MRAP2: variants seen among roughly 807,000 people sequenced by gnomAD.
MRAP2 encodes melanocortin-2 receptor accessory protein 2.
In MRAP2, 20 loss-of-function variants were observed where a neutral mutation model predicts 17.4. The ratio of observed to expected loss-of-function variants is 1.15; its 90% confidence interval spans 0.81 to 1.67. The LOEUF (loss-of-function observed/expected upper bound fraction) is 1.67. Ranked by LOEUF, MRAP2 falls within the 40% of genes most tolerant of loss-of-function variation. The probability of loss-of-function intolerance (pLI) is 0.00; values close to 1 mark genes in which losing one functional copy is unlikely to be tolerated. For synonymous variants in MRAP2, 96 were observed against 88.4 expected (o/e 1.09, Z -0.48); for missense variants, 238 against 240.0 (o/e 0.99, Z 0.05).
the MRAP2 span, chr6:84,126,288 T>C: frequency 1.2e-6 from 1 of 866,530 alleles, no homozygotes; most frequent in South Asian, 3.2e-5. Flanking sequence ...CTTTAAGTGG[T>C]AATTTTTGCT....
the MRAP2 span, among the ~76,000 whole-genome samples, chr6:84,139,645 G>T: frequency 6.6e-6 from 1 of 152,138 alleles, no homozygotes; most frequent in Non-Finnish European, 1.5e-5. Context: ...ACCAAACTCA[G>T]CTCTCCCAGA....
the MRAP2 span, among the ~76,000 whole-genome samples, chr6:84,139,562 C>A: frequency 6.6e-6 from 1 of 152,132 alleles, no homozygotes; most frequent in African/African-American, 2.4e-5. Context: ...TTCTGGGATA[C>A]CCCATCCACT....
chr6:84,047,560 A>G (rs1290129213), intron 1 of MRAP2, among the ~76,000 whole-genome samples: 1 of 152,212 alleles, frequency 6.6e-6, no homozygotes, highest in African/African-American at 2.4e-5. Flanking sequence ...ATAATATAAA[A>G]TGTACCATTT....
At chr6:84,141,361 C>T in the MRAP2 span, among the ~76,000 whole-genome samples, 1 of 151,976 alleles carries the variant, frequency 6.6e-6, no homozygotes, top group Non-Finnish European at 1.5e-5. Context: ...CAAGTCTAGT[C>T]TAAGCAAACA....
chr6:84,086,262 T>TTA (rs2099500417), intron 3 of MRAP2, among the ~76,000 whole-genome samples: 1 of 152,126 alleles, frequency 6.6e-6, no homozygotes, highest in African/African-American at 2.4e-5. Flanking sequence ...TTGGAGAGAG[T>TTA]TATCCTTAGC....
the MRAP2 span, among the ~76,000 whole-genome samples, chr6:84,138,586 C>T: frequency 6.6e-6 from 1 of 152,152 alleles, no homozygotes; most frequent in East Asian, 1.9e-4. Flanking sequence ...GTGTCATTAC[C>T]TTTACTCAGG....
the MRAP2 span, among the ~76,000 whole-genome samples, chr6:84,123,343 AG>A: frequency 6.6e-6 from 1 of 152,002 alleles, no homozygotes; most frequent in South Asian, 2.1e-4. Flanking sequence ...TCAAGGCTAT[AG>A]TAACTGAAAC....
At chr6:84,126,480 G>T in the MRAP2 span, 1 of 1,560,980 alleles carries the variant, frequency 6.4e-7, no homozygotes, top group South Asian at 1.2e-5. Flanking sequence ...GGTTTTCTTT[G>T]GCTTCTCTCA....
At chr6:84,067,457 A>G (rs1351748769) in intron 3 of MRAP2, among the ~76,000 whole-genome samples, 1 of 152,212 alleles carries the variant, frequency 6.6e-6, no homozygotes, top group Non-Finnish European at 1.5e-5. Flanking sequence ...AAATCTCCAC[A>G]CTGTTTCCCA....
chr6:84,037,309 G>A (rs185902055), intron 1 of MRAP2, among the ~76,000 whole-genome samples: 1,895 of 150,990 alleles, frequency 0.013, 45 homozygotes, highest in African/African-American at 0.044. Flanking sequence ...GTGCATCCAC[G>A]AACCCCGAGC....
At chr6:84,077,100 C>T (rs1206384065) in intron 3 of MRAP2, among the ~76,000 whole-genome samples, 1 of 152,076 alleles carries the variant, frequency 6.6e-6, no homozygotes, top group Non-Finnish European at 1.5e-5. Context: ...AAGATGAATC[C>T]AATTACAGCA....
At chr6:84,064,790 T>C (rs189619203) in intron 3 of MRAP2, among the ~76,000 whole-genome samples, 18 of 152,096 alleles carry the variant, frequency 1.2e-4, no homozygotes, top group Admixed American at 3.9e-4. Context: ...CCGGGCCGAA[T>C]CCTGGCATTT....
chr6:84,107,224 G>A, the MRAP2 span, among the ~76,000 whole-genome samples: 2 of 152,082 alleles, frequency 1.3e-5, no homozygotes, highest in Non-Finnish European at 2.9e-5. Flanking sequence ...TACATGAGAC[G>A]AGTAACACAC....
At chr6:84,050,362 T>C (rs1315846770) in intron 1 of MRAP2, among the ~76,000 whole-genome samples, 1 of 152,188 alleles carries the variant, frequency 6.6e-6, no homozygotes, top group East Asian at 1.9e-4. Context: ...GGGTCAAGCA[T>C]GATCCCTTGC....
At chr6:84,144,970 CTCTTTG>C in the MRAP2 span, among the ~76,000 whole-genome samples, 1 of 152,002 alleles carries the variant, frequency 6.6e-6, no homozygotes, top group African/African-American at 2.4e-5. Flanking sequence ...AGAATCTGTT[CTCTTTG>C]TAACACAACT....
the MRAP2 span, among the ~76,000 whole-genome samples, chr6:84,121,559 G>A: frequency 1.3e-5 from 2 of 152,116 alleles, no homozygotes; most frequent in African/African-American, 2.4e-5. Flanking sequence ...CAGGAGAATC[G>A]CCTGAACCCA....
chr6:84,135,190 T>C, the MRAP2 span, among the ~76,000 whole-genome samples: 1 of 152,164 alleles, frequency 6.6e-6, no homozygotes, highest in African/African-American at 2.4e-5. Flanking sequence ...ATTAATAGTA[T>C]AAAAACACAT....
chr6:84,113,253 CTTTATGAATCTTTGT>C, the MRAP2 span, among the ~76,000 whole-genome samples: 2 of 152,078 alleles, frequency 1.3e-5, no homozygotes, highest in Non-Finnish European at 2.9e-5. Context: ...TCAGAACTTG[CTTTATGAATCTTTGT>C]GCTCTTTTAT....
chr6:84,104,759 T>C, the MRAP2 span, among the ~76,000 whole-genome samples: 8 of 152,098 alleles, frequency 5.3e-5, no homozygotes, highest in Admixed American at 5.2e-4. Flanking sequence ...TCCCAGCTAC[T>C]TGGGAGGCTG....
Sources: allele counts gnomAD v4.1 joint callset (sites outside exome capture counted in the v4.1 genomes callset), GRCh38; gene constraint gnomAD v4.1.1; transcripts MANE v1.5; gene names NCBI Gene and HGNC (gene_info 2026-07-23, HGNC 2026-07-21).